The following MYO5C variants were observed in gnomAD, a reference collection of about 807,000 sequenced individuals.
The protein encoded by MYO5C is myosin VC.
In MYO5C, 194 loss-of-function variants were observed where a neutral mutation model predicts 235.7. That is an observed-to-expected ratio of 0.82 (90% CI 0.73 to 0.93). The LOEUF (loss-of-function observed/expected upper bound fraction) is 0.93, where lower values mean the gene tolerates loss of function less well. Ranked by LOEUF, MYO5C falls within the 40% of genes least tolerant of loss-of-function variation. MYO5C has a pLI of 0.00. For missense variants in MYO5C, 2,038 were observed against 2,127.2 expected (o/e 0.96, Z 0.82); for synonymous variants, 707 against 754.8 (o/e 0.94, Z 1.04).
At chr15:52,256,596 C>CGCGCGCGT (rs1475338400) in intron 11 of MYO5C, 43 bp downstream of exon 11, 1 of 1,490,028 alleles carries the variant, frequency 6.7e-7, no homozygotes, top group Non-Finnish European at 9.2e-7. Flanking sequence ...CACGCGCGCG[C>CGCGCGCGT]GCGCGGCTGA....
At chr15:52,215,988 G>A (rs1033198792) in intron 32 of MYO5C, among the ~76,000 whole-genome samples, 1 of 151,972 alleles carries the variant, frequency 6.6e-6, no homozygotes, top group African/African-American at 2.4e-5. Context: ...TGATCACTCT[G>A]AACAAAAATC....
intron 4 of MYO5C, among the ~76,000 whole-genome samples, chr15:52,277,431 G>A (rs769158227): frequency 5.3e-5 from 8 of 152,052 alleles, no homozygotes; most frequent in Non-Finnish European, 1.0e-4. Context: ...AGGGTTAGAA[G>A]GAATCTTGGT....
chr15:52,207,153 A>C (rs1414264491), intron 36 of MYO5C, among the ~76,000 whole-genome samples: 3 of 152,170 alleles, frequency 2.0e-5, no homozygotes, highest in Admixed American at 2.0e-4. Flanking sequence ...AAAGAAAAAA[A>C]AAAAAGAACA....
intron 38 of MYO5C, among the ~76,000 whole-genome samples, chr15:52,200,366 G>A (rs1021777956): frequency 2.0e-5 from 3 of 152,078 alleles, no homozygotes; most frequent in Non-Finnish European, 4.4e-5. Context: ...TCAGGAGTTC[G>A]AGACCAGCTT....
At chr15:52,281,239 TGACAGGTG>T (rs2140859749) in intron 2 of MYO5C, among the ~76,000 whole-genome samples, 1 of 152,250 alleles carries the variant, frequency 6.6e-6, no homozygotes, top group Non-Finnish European at 1.5e-5. Flanking sequence ...AACATTATGT[TGACAGGTG>T]GAGGCAGAGG....
chr15:52,237,326 C>T (rs989994822), intron 22 of MYO5C, 156 bp downstream of exon 22: 1 of 821,334 alleles, frequency 1.2e-6, no homozygotes, highest in Non-Finnish European at 1.9e-6. Flanking sequence ...TCTGATCTCG[C>T]CTTTCCTAAA....
chr15:52,202,883 A>G (rs1305932919), intron 38 of MYO5C, among the ~76,000 whole-genome samples: 2 of 151,884 alleles, frequency 1.3e-5, no homozygotes, highest in Non-Finnish European at 2.9e-5. Context: ...TTTTCTGGGT[A>G]CATAGTAGGT....
intron 24 of MYO5C, among the ~76,000 whole-genome samples, chr15:52,230,731 G>A (rs1470856870): frequency 2.7e-5 from 4 of 146,642 alleles, no homozygotes; most frequent in African/African-American, 5.2e-5. Context: ...AGATATTAAC[G>A]AACTTTGTTT....
intron 9 of MYO5C, 43 bp downstream of exon 9, chr15:52,264,147 T>C (rs2036752516): frequency 6.8e-7 from 1 of 1,470,486 alleles, no homozygotes; most frequent in Non-Finnish European, 9.4e-7. Context: ...AGTTCCACTA[T>C]GACCCTTAGA....
intron 22 of MYO5C, among the ~76,000 whole-genome samples, chr15:52,236,567 T>C (rs1160528070): frequency 1.3e-5 from 2 of 152,010 alleles, no homozygotes; most frequent in Non-Finnish European, 2.9e-5. Context: ...TCCCAGCTAC[T>C]CGGGAGGCTG....
At chr15:52,279,883 A>G (rs1169791951) in intron 2 of MYO5C, among the ~76,000 whole-genome samples, 2 of 152,120 alleles carry the variant, frequency 1.3e-5, no homozygotes, top group Non-Finnish European at 2.9e-5. Context: ...GGCTATGTGC[A>G]CTGGGGCAAG....
chr15:52,284,839 C>T (rs1380786038), intron 1 of MYO5C, among the ~76,000 whole-genome samples: 2 of 141,290 alleles, frequency 1.4e-5, no homozygotes, highest in African/African-American at 2.6e-5. Flanking sequence ...TTCTTTCTTT[C>T]TTTTTTTTTT....
At chr15:52,267,552 G>A (rs2036837493) in intron 8 of MYO5C, among the ~76,000 whole-genome samples, 1 of 152,166 alleles carries the variant, frequency 6.6e-6, no homozygotes, top group East Asian at 1.9e-4. Flanking sequence ...TGGGGGCGGT[G>A]GCATGTGCCT....
chr15:52,264,390 T>C (rs1188918184), intron 8 of MYO5C, 94 bp from the exon 9 acceptor site: 5 of 990,108 alleles, frequency 5.0e-6, no homozygotes, highest in South Asian at 3.1e-5. Context: ...GCAGGTAGCA[T>C]CAGTGCCAAG....
chr15:52,273,642 T>C (rs893891990), intron 5 of MYO5C, among the ~76,000 whole-genome samples: 1 of 152,182 alleles, frequency 6.6e-6, no homozygotes, highest in Non-Finnish European at 1.5e-5. Context: ...GAAGCCTCTC[T>C]AGAACCTGAC....
At chr15:52,268,002 G>A (rs567078229) in intron 8 of MYO5C, among the ~76,000 whole-genome samples, 2 of 152,276 alleles carry the variant, frequency 1.3e-5, no homozygotes, top group East Asian at 3.9e-4. Context: ...AGTCAGTGCC[G>A]AAAGTGTTTA....
At chr15:52,267,968 C>T (rs2036846986) in intron 8 of MYO5C, among the ~76,000 whole-genome samples, 1 of 152,096 alleles carries the variant, frequency 6.6e-6, no homozygotes, top group Non-Finnish European at 1.5e-5. Context: ...GAAATGACGA[C>T]CATAATTATT....
chr15:52,198,801 C>T (rs551006676), intron 38 of MYO5C, among the ~76,000 whole-genome samples: 2 of 152,076 alleles, frequency 1.3e-5, no homozygotes, highest in African/African-American at 4.8e-5. Context: ...AGGCTGGTCT[C>T]GAACTCCTGA....
At chr15:52,277,719 G>A in intron 4 of MYO5C, 1 of 398,932 alleles carries the variant, frequency 2.5e-6, no homozygotes, top group East Asian at 7.1e-5. Context: ...TGTCCCTGAG[G>A]ATGACGGCCC....
Sources: allele counts gnomAD v4.1 joint callset (sites outside exome capture counted in the v4.1 genomes callset), GRCh38; gene constraint gnomAD v4.1.1; transcripts MANE v1.5; gene names NCBI Gene and HGNC (gene_info 2026-07-23, HGNC 2026-07-21).